The following CT45A10 variants were observed in gnomAD, a reference collection of about 807,000 sequenced individuals.
The protein encoded by CT45A10 is cancer/testis antigen family 45 member A10.
CT45A10 carries 19 observed loss-of-function variants against 8.3 expected under a neutral mutation model. The observed-to-expected ratio is 2.30, with a 90% CI of 1.61 to 3.38. The LOEUF is 3.38. CT45A10 is among the 30% of genes most tolerant of loss of function. The pLI is 0.00. For missense variants in CT45A10, 149 were observed against 85.9 expected (o/e 1.73, Z -2.90); for synonymous variants, 28 against 26.5 (o/e 1.06, Z -0.17).
At chrX:135,892,264 G>A (rs1358475418) in intron 1 of CT45A10, among the ~76,000 whole-genome samples, 1 of 111,237 alleles carries the variant, frequency 9.0e-6, no homozygotes, top group Non-Finnish European at 1.9e-5. Context: ...ATCAAAAATC[G>A]ATAAATTAAC....
At chrX:135,889,568 C>T (rs1246047703) in intron 1 of CT45A10, among the ~76,000 whole-genome samples, 2 of 111,195 alleles carry the variant, frequency 1.8e-5, no homozygotes, top group Non-Finnish European at 1.9e-5. Context: ...AAGTCAACCC[C>T]GACCGGGCGC....
rs781936706 is a variant in CT45A10 at position 135,893,185 on chromosome X, C to T, written c.-7+160G>A. Among the ~76,000 whole-genome samples, 13 of 111,153 alleles carry T rather than the reference C, an allele frequency of 1.2e-4. No homozygotes were observed. In the East Asian group the frequency reaches 2.3e-3, roughly 20 times the overall value. On this transcript the variant is annotated intron_variant, in intron 1 of 4. Coordinates refer to ENST00000682849, the MANE Select transcript of CT45A10 (RefSeq NM_001291529.2). ...CCATGGTTGACACAGGCTCCCATGG[C>T]GGTGTCCTCAGAGTGGAGCCACTTT...
chrX:135,882,813 T>C (rs2088395746), intron 3 of CT45A10, among the ~76,000 whole-genome samples, 184 bp from the exon 4 acceptor site: 1 of 101,405 alleles, frequency 9.9e-6, no homozygotes, highest in Non-Finnish European at 2.0e-5. Context: ...GTAACTCCTT[T>C]AACCATAACC....
intron 1 of CT45A10, among the ~76,000 whole-genome samples, chrX:135,889,730 A>T (rs1267951748): frequency 1.8e-5 from 2 of 108,661 alleles, no homozygotes; most frequent in Admixed American, 9.9e-5. Context: ...ACGCACCTGT[A>T]GTCCCGCTAA....
chrX:135,893,303 T>A (rs1420193855), intron 1 of CT45A10, among the ~76,000 whole-genome samples, 42 bp downstream of exon 1: 1 of 111,764 alleles, frequency 8.9e-6, no homozygotes, highest in Non-Finnish European at 1.9e-5. Context: ...AATTAAAGCA[T>A]CCAGGGAAAA....
chrX:135,882,145 A>C (rs1290318829), intron 4 of CT45A10, among the ~76,000 whole-genome samples: 1 of 42,543 alleles, frequency 2.4e-5, no homozygotes, highest in Non-Finnish European at 4.4e-5. Context: ...CAAAGGATAA[A>C]AGCTTGAGGT....
At chrX:135,890,020 C>T (rs2088485693) in intron 1 of CT45A10, among the ~76,000 whole-genome samples, 1 of 111,825 alleles carries the variant, frequency 8.9e-6, no homozygotes, top group Non-Finnish European at 1.9e-5. Context: ...ATGTAGCCCC[C>T]AGTCACATTT....
intron 1 of CT45A10, among the ~76,000 whole-genome samples, chrX:135,890,116 G>A (rs1362251358): frequency 3.6e-5 from 4 of 112,158 alleles, no homozygotes; most frequent in East Asian, 2.8e-4. Context: ...TTTCTTTTTC[G>A]GGGAACTCAG....
At position 135,883,177 on chromosome X, in the gene CT45A10, C is replaced by G; in HGVS notation, c.249G>C (p.Gly83=). 1 of 1,198,446 alleles carries G rather than the reference C, an allele frequency of 8.3e-7. No homozygotes were observed. The highest frequency in any genetic ancestry group is 1.8e-5 in the African/African-American group (1 of 56,969). The change falls in exon 3 of 5, where the codon GGG becomes GGC. Residue 83 remains glycine (G), a synonymous_variant. Coordinates refer to ENST00000682849, the MANE Select transcript of CT45A10 (RefSeq NM_001291529.2). ...CATTGCTACCAGGTTTCTGCATCAT[C>G]CCATCTTTGCTGAAACCAGTGAAGT... ...IDDFTGFSKD[G]MMQKPGSNAP... is the part of the protein sequence containing the mutation.
rs2088398733 is a variant in CT45A10 at position 135,882,957 on chromosome X, A to C, written c.418+51T>G. On this transcript the variant is annotated intron_variant, in intron 3 of 4. Coordinates refer to ENST00000682849, the MANE Select transcript of CT45A10 (RefSeq NM_001291529.2). ...AACATGGATATCTTCTGAATCATAGAAAGAGTGACTTCCTACAGTTTTATA... is the reference window on the plus strand; with the variant it reads ...AACATGGATATCTTCTGAATCATAGCAAGAGTGACTTCCTACAGTTTTATA... 3 of 1,173,266 alleles carry C rather than the reference A, an allele frequency of 2.6e-6. No individual in the cohort carries two copies. In the Admixed American group the frequency reaches 6.8e-5, roughly 26 times the overall value.
At chrX:135,889,543 G>A (rs1461873963) in intron 1 of CT45A10, among the ~76,000 whole-genome samples, 8 of 111,067 alleles carry the variant, frequency 7.2e-5, no homozygotes, top group Non-Finnish European at 1.3e-4. Context: ...TTTCATTTGA[G>A]GGGGTTGTTT....
chrX:135,889,499 A>G (rs782174965), intron 1 of CT45A10, among the ~76,000 whole-genome samples: 8 of 110,382 alleles, frequency 7.2e-5, no homozygotes, highest in African/African-American at 2.3e-4. Context: ...AAAGAAAGAA[A>G]GAAAAAGAAG....
At position 135,893,379 on chromosome X, in the gene CT45A10, T is replaced by C. The variant is rs1365612617; in HGVS notation, c.-41A>G. Among the ~76,000 whole-genome samples, 1 of 112,587 alleles carries C rather than the reference T, an allele frequency of 8.9e-6. No homozygotes were observed. The highest frequency in any genetic ancestry group is 1.9e-5 in the Non-Finnish European group (1 of 53,213). ...GGAGGGGCGGCAGCACCTCACAAAA[T>C]GGCAGTGAAGTTGTGGCGCCTCCCC... On this transcript the variant is annotated 5_prime_UTR_variant, in exon 1 of 5. Transcript: ENST00000682849.
At chrX:135,883,282 G>T in intron 2 of CT45A10, 26 bp from the exon 3 acceptor site, 1 of 1,195,588 alleles carries the variant, frequency 8.4e-7, no homozygotes, top group Non-Finnish European at 1.1e-6. Context: ...TTGAGTAAAA[G>T]CCATCAGTTG....
At chrX:135,890,961 GA>G (rs2088495277) in intron 1 of CT45A10, among the ~76,000 whole-genome samples, 1 of 111,745 alleles carries the variant, frequency 8.9e-6, no homozygotes, top group Non-Finnish European at 1.9e-5. Flanking sequence ...AAGGGCAGAG[GA>G]CACAGAGGCC....
rs1391893440 is a variant in CT45A10 at position 135,883,097 on chromosome X, C to T, written c.329G>A (p.Arg110Lys). 49 of 1,197,499 alleles carry T rather than the reference C, an allele frequency of 4.1e-5. 2 individuals are homozygous for T. In the South Asian group the frequency reaches 8.8e-4, roughly 21 times the overall value. Residue 110 changes from arginine (R) to lysine (K), a missense_variant, in exon 3 of 5, where the codon AGA (arginine) becomes AAA (lysine). Arg to Lys is a conservative substitution (Grantham distance 26). Transcript: ENST00000682849. ...GCTTTTGGGAGAGGAGGCTATTCCT[C>T]TGCATTCTAGGTCATCTCCAGAGAA... ...SNFSGDDLEC[R>K]GIASSPKSQQ...
rs1372668532 is a variant in CT45A10 at position 135,882,914 on chromosome X, G to C, written c.418+94C>G. 5.9e-5 allele frequency: 62 copies of C among 1,057,787 alleles called. 4 individuals carry two copies. Among genetic ancestry groups the C allele is most frequent in the Non-Finnish European group, 7.9e-5 (62 of 781,867 alleles). The allele number at this position is 1,057,787 out of a possible 1,213,427, so 87.2% of individuals were successfully genotyped here. ...TATGTGCAGTCTCAACTCTGGCAAA[G>C]AATGAGCCTCAAGAGGTAACATGGA... On this transcript the variant is annotated intron_variant, in intron 3 of 4. Transcript: ENST00000682849.
chrX:135,889,033 G>A, intron 1 of CT45A10: 1 of 357,464 alleles, frequency 2.8e-6, no homozygotes, highest in African/African-American at 6.1e-5. Flanking sequence ...GGCCCAAGGG[G>A]GATGGAAGGA....
chrX:135,887,639 T>A, intron 1 of CT45A10, among the ~76,000 whole-genome samples: 1 of 104,021 alleles, frequency 9.6e-6, no homozygotes, highest in East Asian at 3.2e-4. Context: ...ACACATAAAA[T>A]GGTGCTAAAA....
Sources: gnomAD v4.1 joint callset for allele counts (sites outside exome capture counted in the v4.1 genomes callset) on GRCh38, gnomAD v4.1.1 for gene constraint, MANE v1.5 for transcripts, NCBI Gene and HGNC (gene_info 2026-07-23, HGNC 2026-07-21) for gene names.